Variants in THSD4 observed in about 807,000 individuals in gnomAD.
THSD4 encodes thrombospondin type-1 domain-containing protein 4.
THSD4 carries 69 observed loss-of-function variants against 119.0 expected under a neutral mutation model. The ratio of observed to expected loss-of-function variants is 0.58; its 90% CI spans 0.48 to 0.71. THSD4 has a LOEUF of 0.71. THSD4 is among the 30% of genes least tolerant of loss of function. The pLI is 0.00. For missense variants in THSD4, 1,393 were observed against 1,391.1 expected (o/e 1.00, Z -0.02); for synonymous variants, 524 against 540.4 (o/e 0.97, Z 0.42).
chr15:71,290,175 C>T (rs939314394), intron 6 of THSD4, among the ~76,000 whole-genome samples: 1 of 152,152 alleles, frequency 6.6e-6, no homozygotes, highest in Non-Finnish European at 1.5e-5. Flanking sequence ...TGCTGGTGAC[C>T]ATGGGCAACA....
intron 7 of THSD4, among the ~76,000 whole-genome samples, chr15:71,413,808 C>G (rs1221485394): frequency 6.6e-6 from 1 of 152,234 alleles, no homozygotes; most frequent in African/African-American, 2.4e-5. Context: ...TTTGGAAAAA[C>G]CACTGGTTTT....
intron 6 of THSD4, among the ~76,000 whole-genome samples, chr15:71,397,516 C>G (rs4238435): frequency 0.59 from 89,089 of 152,130 alleles, 26,432 homozygotes; most frequent in East Asian, 0.72. Context: ...ATTTCTAGAT[C>G]CTTGCACAGT....
chr15:71,358,609 G>A (rs749564061), intron 6 of THSD4, among the ~76,000 whole-genome samples: 3 of 152,176 alleles, frequency 2.0e-5, no homozygotes, highest in Non-Finnish European at 4.4e-5. Flanking sequence ...ACTGTGCATG[G>A]GTTTCCCCAT....
chr15:71,641,728 T>G (rs1472077071), intron 7 of THSD4, among the ~76,000 whole-genome samples: 1 of 152,136 alleles, frequency 6.6e-6, no homozygotes, highest in African/African-American at 2.4e-5. Flanking sequence ...GCAAATACTT[T>G]GTCACAGAAA....
chr15:71,671,637 A>C (rs1567092994), intron 8 of THSD4, among the ~76,000 whole-genome samples: 1 of 152,214 alleles, frequency 6.6e-6, no homozygotes. Context: ...TAAGTCTTGA[A>C]TCCATCTTGA....
chr15:71,629,994 G>A (rs11631014), intron 7 of THSD4, among the ~76,000 whole-genome samples: 61,559 of 151,826 alleles, frequency 0.41, 13,935 homozygotes, highest in Middle Eastern at 0.54. Context: ...TCTCTTGGCC[G>A]GCTTTGCTCC....
intron 8 of THSD4, among the ~76,000 whole-genome samples, chr15:71,719,160 G>T (rs1431014079): frequency 2.0e-5 from 3 of 152,158 alleles, no homozygotes; most frequent in Non-Finnish European, 4.4e-5. Flanking sequence ...GACATACTTT[G>T]CTATAATTTA....
intron 6 of THSD4, among the ~76,000 whole-genome samples, chr15:71,353,161 T>A (rs1169507020): frequency 6.6e-6 from 1 of 152,136 alleles, no homozygotes; most frequent in African/African-American, 2.4e-5. Context: ...CAACAGACAT[T>A]GACACATGAA....
intron 6 of THSD4, among the ~76,000 whole-genome samples, chr15:71,338,372 G>T (rs1348545397): frequency 6.6e-6 from 1 of 151,416 alleles, no homozygotes; most frequent in African/African-American, 2.4e-5. Context: ...ACACTCTTTG[G>T]ACCGGAGTCT....
intron 7 of THSD4, among the ~76,000 whole-genome samples, chr15:71,470,691 AGTGG>A (rs2047565236): frequency 6.6e-6 from 1 of 151,074 alleles, no homozygotes; most frequent in African/African-American, 2.4e-5. Context: ...TGCGGACTGC[AGTGG>A]CGCAATCTCG....
rs572273890 is a variant in THSD4, at chr15:71,718,113, C to G, written c.1358-10436C>G. The stretch of plus-strand genomic sequence containing the variant: ...ACAGTGAGCCATGATCATGCCATTG[C>G]ATGCCAGCCTGGGCAACAGAGCGAG... On this transcript the variant is annotated intron_variant, in intron 8 of 17. Coordinates refer to ENST00000261862, the MANE Select transcript of THSD4 (RefSeq NM_024817.3). 1.8e-4 allele frequency among the ~76,000 whole-genome samples: 27 copies of G among 148,644 alleles called. No individual in the cohort carries two copies. The East Asian group carries it at 5.2e-3, about 28-fold the overall frequency.
intron 4 of THSD4, among the ~76,000 whole-genome samples, chr15:71,217,418 C>T (rs949700130): frequency 2.0e-5 from 3 of 151,968 alleles, no homozygotes; most frequent in African/African-American, 7.2e-5. Flanking sequence ...GAGATCGAGA[C>T]CATCCTGGCT....
At chr15:71,561,127 A>T (rs1033069968) in intron 7 of THSD4, among the ~76,000 whole-genome samples, 2 of 151,930 alleles carry the variant, frequency 1.3e-5, no homozygotes, top group Non-Finnish European at 2.9e-5. Context: ...GGCGCCTGCC[A>T]CCACACCCGG....
chr15:71,475,692 G>A (rs1479568033), intron 7 of THSD4, among the ~76,000 whole-genome samples: 2 of 152,254 alleles, frequency 1.3e-5, no homozygotes, highest in East Asian at 3.9e-4. Flanking sequence ...GGAGCTTGAG[G>A]CGGGAAGTTT....
intron 7 of THSD4, among the ~76,000 whole-genome samples, chr15:71,622,785 G>A (rs1473379501): frequency 6.6e-6 from 1 of 152,128 alleles, no homozygotes; most frequent in Non-Finnish European, 1.5e-5. Context: ...AGAAGTTTAG[G>A]GAGACCTTTG....
chr15:71,430,645 T>C (rs1438246927), intron 7 of THSD4, among the ~76,000 whole-genome samples: 1 of 150,794 alleles, frequency 6.6e-6, no homozygotes. Flanking sequence ...TAATCCCAGC[T>C]ACTCGGGAGG....
chr15:71,220,618 A>C (rs967745139), intron 4 of THSD4, among the ~76,000 whole-genome samples: 3 of 152,200 alleles, frequency 2.0e-5, no homozygotes, highest in African/African-American at 7.2e-5. Context: ...CCCATAGTGG[A>C]TGCTCAAAGT....
intron 16 of THSD4, chr15:71,766,731 T>G (rs1595931323): frequency 6.6e-6 from 1 of 152,134 alleles, no homozygotes; most frequent in African/African-American, 2.4e-5. Context: ...CCAGGCCAAG[T>G]TGAAGGAGAC....
At chr15:71,423,616 A>T (rs1402907439) in intron 7 of THSD4, among the ~76,000 whole-genome samples, 1 of 152,160 alleles carries the variant, frequency 6.6e-6, no homozygotes, top group African/African-American at 2.4e-5. Flanking sequence ...TTTCTCCCAT[A>T]GAGGCAAGCT....
Sources: gnomAD v4.1 joint callset for allele counts (sites outside exome capture counted in the v4.1 genomes callset) on GRCh38, gnomAD v4.1.1 for gene constraint, MANE v1.5 for transcripts, NCBI Gene and HGNC (gene_info 2026-07-23, HGNC 2026-07-21) for gene names.